Variants in ADAMTSL3 observed in about 807,000 individuals in gnomAD.
ADAMTSL3 encodes ADAMTS like 3.
ADAMTSL3 carries 128 observed loss-of-function variants against 201.7 expected under a neutral mutation model. The ratio of observed to expected loss-of-function variants is 0.63; its 90% CI spans 0.55 to 0.73. The LOEUF is 0.73. Ranked by LOEUF, ADAMTSL3 falls within the 30% of genes least tolerant of loss-of-function variation. The probability of loss-of-function intolerance (pLI) is 0.00; values close to 1 mark genes in which losing one functional copy is unlikely to be tolerated. For missense variants in ADAMTSL3, 1,990 were observed against 2,119.6 expected (o/e 0.94, Z 1.20); for synonymous variants, 738 against 748.4 (o/e 0.99, Z 0.23).
intron 19 of ADAMTSL3, among the ~76,000 whole-genome samples, chr15:83,969,006 G>T (rs1287075566): frequency 6.6e-6 from 1 of 152,120 alleles, no homozygotes; most frequent in Non-Finnish European, 1.5e-5. Context: ...CCTGTCAGGG[G>T]GTGGGGGGCT....
chr15:83,719,099 A>G (rs2062060450), intron 3 of ADAMTSL3, among the ~76,000 whole-genome samples: 1 of 152,208 alleles, frequency 6.6e-6, no homozygotes, highest in Non-Finnish European at 1.5e-5. Context: ...ACATCTCTTG[A>G]TGGAAGAACC....
intron 27 of ADAMTSL3, among the ~76,000 whole-genome samples, chr15:84,030,896 T>C (rs998401116): frequency 1.3e-5 from 2 of 152,184 alleles, no homozygotes; most frequent in African/African-American, 4.8e-5. Context: ...TCACAAGATC[T>C]GATTGTTTTA....
chr15:83,919,249 A>G (rs1240865109), intron 16 of ADAMTSL3, among the ~76,000 whole-genome samples: 3 of 152,144 alleles, frequency 2.0e-5, no homozygotes, highest in East Asian at 3.9e-4. Flanking sequence ...AATTTTCAGG[A>G]GAATACCTAT....
Position 83,704,474 on chromosome 15 carries a change from G to A in ADAMTSL3, c.155G>A (p.Gly52Glu). 1 of 1,614,170 alleles carries A rather than the reference G, an allele frequency of 6.2e-7. No individual in the cohort carries two copies. Among genetic ancestry groups the A allele is most frequent in the East Asian group, 2.2e-5 (1 of 44,894 alleles). ...PQGSFLEDTTGEQFLTYRYDD... is the reference protein window; with the variant it reads ...PQGSFLEDTTEEQFLTYRYDD... ...GGAAGTTTTCTGGAAGACACAACAG[G>A]GGAGCAGTTCCTCACTTATCGCTAT... Residue 52 changes from glycine to glutamate, a missense_variant, in exon 3 of 30, where the codon GGG becomes GAG. By Grantham distance (98) the Gly-to-Glu change is moderately conservative (BLOSUM62 -2). Coordinates refer to ENST00000286744, the MANE Select transcript of ADAMTSL3 (RefSeq NM_207517.3).
rs548239027 is a variant in ADAMTSL3 at position 84,032,896 on chromosome 15, G to T, written c.4754+1464G>T. ...TTGAATTGGTAGGAATGCTCATTTTGATGCTATCAAATTGCCATCAAAATT... is the reference window on the plus strand; with the variant it reads ...TTGAATTGGTAGGAATGCTCATTTTTATGCTATCAAATTGCCATCAAAATT... On this transcript the variant is annotated intron_variant, in intron 28 of 29. Coordinates refer to ENST00000286744, the MANE Select transcript of ADAMTSL3 (RefSeq NM_207517.3). 3.9e-5 allele frequency among the ~76,000 whole-genome samples: 6 copies of T among 152,238 alleles called. No individual in the cohort carries two copies. In the South Asian group the frequency reaches 1.2e-3, roughly 32 times the overall value.
chr15:83,819,750 C>G lies in ADAMTSL3; in HGVS notation c.364-61C>G. The G allele has an allele frequency of 2.2e-6, 3 of 1,353,550 alleles. No homozygotes were observed. The South Asian group carries it at 3.5e-5, about 16-fold the overall frequency. 83.8% of individuals were successfully genotyped at this position (1,353,550 alleles called of 1,614,324 possible). A position where few individuals can be genotyped will look rare whatever the true frequency, so the allele number is the denominator to read the frequency against. On this transcript the variant is annotated intron_variant, in intron 5 of 29. Transcript: ENST00000286744. ...TCATGAGATTCTGGTGAACTTATTTCATCTTCTCTTGGCCTCTCTCACTGG... is the reference window on the plus strand; with the variant it reads ...TCATGAGATTCTGGTGAACTTATTTGATCTTCTCTTGGCCTCTCTCACTGG...
At chr15:83,733,329 AGGT>A (rs1384647654) in intron 3 of ADAMTSL3, among the ~76,000 whole-genome samples, 1 of 152,172 alleles carries the variant, frequency 6.6e-6, no homozygotes, top group Non-Finnish European at 1.5e-5. Context: ...ACTATCGTAG[AGGT>A]GTTGACAGAG....
chr15:83,779,765 G>A (rs2063137729), intron 4 of ADAMTSL3, among the ~76,000 whole-genome samples: 2 of 142,318 alleles, frequency 1.4e-5, no homozygotes, highest in African/African-American at 5.2e-5. Context: ...TAGAAAACAA[G>A]ACTAAAAAAA....
intron 16 of ADAMTSL3, among the ~76,000 whole-genome samples, chr15:83,923,529 A>G (rs2066186452): frequency 6.6e-6 from 1 of 152,226 alleles, no homozygotes; most frequent in African/African-American, 2.4e-5. Context: ...TAAGGAAACT[A>G]TTGTGACTGT....
chr15:83,793,862 T>A (rs1017981774), intron 4 of ADAMTSL3, among the ~76,000 whole-genome samples: 1 of 152,176 alleles, frequency 6.6e-6, no homozygotes, highest in Non-Finnish European at 1.5e-5. Flanking sequence ...AGAGCAGTGG[T>A]ATTGGCAGAG....
At chr15:84,031,665 C>T (rs1266969428) in intron 28 of ADAMTSL3, among the ~76,000 whole-genome samples, 2 of 151,946 alleles carry the variant, frequency 1.3e-5, no homozygotes, top group African/African-American at 4.8e-5. Flanking sequence ...AAAGGGACAC[C>T]ACTCTATGTG....
At chr15:83,810,669 TC>T (rs2063679286) in intron 5 of ADAMTSL3, among the ~76,000 whole-genome samples, 1 of 152,214 alleles carries the variant, frequency 6.6e-6, no homozygotes, top group African/African-American at 2.4e-5. Flanking sequence ...CCACCCATAT[TC>T]CTTGGCTTGT....
intron 6 of ADAMTSL3, among the ~76,000 whole-genome samples, chr15:83,824,233 G>C (rs995232362): frequency 2.6e-5 from 4 of 151,644 alleles, no homozygotes; most frequent in Non-Finnish European, 5.9e-5. Context: ...TTTTTGTAGA[G>C]ATGGGGGTCT....
rs986489834 is a variant in ADAMTSL3 at position 83,897,631 on chromosome 15, A to T, written c.1468-227A>T. Among the ~76,000 whole-genome samples the T allele has an allele frequency of 3.9e-5, 6 of 152,190 alleles. No homozygotes were observed. In the South Asian group the frequency reaches 8.3e-4, roughly 21 times the overall value. On this transcript the variant is annotated intron_variant, in intron 13 of 29. Coordinates refer to ENST00000286744, the MANE Select transcript of ADAMTSL3 (RefSeq NM_207517.3). ...TTTCTTGAACTATGATCTCACCTTA[A>T]ATACTTTTTGAATTGAGAAGTGGAA...
intron 5 of ADAMTSL3, among the ~76,000 whole-genome samples, chr15:83,819,122 A>T (rs12439803): frequency 6.6e-6 from 1 of 152,104 alleles, no homozygotes; most frequent in Non-Finnish European, 1.5e-5. Flanking sequence ...ATACAAAAAT[A>T]AGCTGGGCGT....
intron 3 of ADAMTSL3, among the ~76,000 whole-genome samples, chr15:83,712,188 C>T (rs1209388327): frequency 2.6e-5 from 4 of 152,182 alleles, no homozygotes; most frequent in Non-Finnish European, 2.9e-5. Context: ...CTTTCCTCTC[C>T]ACCATCTCCT....
intron 23 of ADAMTSL3, among the ~76,000 whole-genome samples, chr15:84,002,936 C>CTTTTTTTTTTTTTTTTTTTTTTCTTTTTT (rs368176543): frequency 1.0e-5 from 1 of 99,986 alleles, no homozygotes; most frequent in Admixed American, 1.3e-4. Flanking sequence ...CTTTTCTTTT[C>CTTTTTTTTTTTTTTTTTTTTTTCTTTTTT]TTTTTTTTTT....
At chr15:84,036,407 T>C (rs1265319663) in intron 28 of ADAMTSL3, among the ~76,000 whole-genome samples, 1 of 152,208 alleles carries the variant, frequency 6.6e-6, no homozygotes, top group Non-Finnish European at 1.5e-5. Flanking sequence ...GAATTTGAGG[T>C]GGCTTATTGT....
At chr15:83,904,782 G>A (rs1404701269) in intron 15 of ADAMTSL3, among the ~76,000 whole-genome samples, 8 of 152,104 alleles carry the variant, frequency 5.3e-5, no homozygotes, top group South Asian at 2.1e-4. Flanking sequence ...CCTCGCTGTC[G>A]TTTTTCATAT....
Sources: allele counts gnomAD v4.1 joint callset (sites outside exome capture counted in the v4.1 genomes callset), GRCh38; gene constraint gnomAD v4.1.1; transcripts MANE v1.5; gene names NCBI Gene and HGNC (gene_info 2026-07-23, HGNC 2026-07-21).